The following ZNF76 variants were observed in gnomAD, a reference collection of about 807,000 sequenced individuals.
The protein encoded by ZNF76 is zinc finger protein 76, also known as zinc finger protein 523.
A neutral mutation model predicts 66.9 loss-of-function variants in ZNF76; 66 were observed. The observed-to-expected ratio is 0.99, with a 90% CI of 0.81 to 1.21. The LOEUF (loss-of-function observed/expected upper bound fraction) is 1.21, where lower values mean the gene tolerates loss of function less well. ZNF76 is among the 50% of genes most tolerant of loss of function. The pLI, the probability that ZNF76 is intolerant of heterozygous loss-of-function variation, is 0.00. For missense variants in ZNF76, 729 were observed against 760.3 expected (o/e 0.96, Z 0.48); for synonymous variants, 275 against 296.1 (o/e 0.93, Z 0.73).
At chr6:35,261,434 T>C (rs923081528) in intron 1 of ZNF76, among the ~76,000 whole-genome samples, 2 of 152,210 alleles carry the variant, frequency 1.3e-5, no homozygotes, top group African/African-American at 4.8e-5. Context: ...AAGCTCTGGA[T>C]ATATAAGTTA....
chr6:35,267,175 G>T (rs890490214), intron 1 of ZNF76, among the ~76,000 whole-genome samples: 18 of 152,050 alleles, frequency 1.2e-4, no homozygotes, highest in Non-Finnish European at 2.4e-4. Flanking sequence ...GAGGCTCACT[G>T]CAGCAGTGAC....
intron 1 of ZNF76, among the ~76,000 whole-genome samples, chr6:35,268,861 G>A (rs759148470): frequency 2.0e-5 from 3 of 151,698 alleles, no homozygotes; most frequent in Non-Finnish European, 4.4e-5. Flanking sequence ...GCCCTAACCT[G>A]TTTTGAGTGC....
chr6:35,288,358 C>A, intron 5 of ZNF76: 1 of 354,996 alleles, frequency 2.8e-6, no homozygotes, highest in Non-Finnish European at 5.6e-6. Flanking sequence ...GATTATGAGG[C>A]CCACACAGTA....
intron 4 of ZNF76, 174 bp downstream of exon 4, chr6:35,286,573 A>G: frequency 1.5e-6 from 1 of 654,028 alleles, no homozygotes; most frequent in Non-Finnish European, 2.7e-6. Flanking sequence ...TCCCTGGTGC[A>G]GACCACAGGA....
At chr6:35,266,864 C>G (rs1195907294) in intron 1 of ZNF76, among the ~76,000 whole-genome samples, 2 of 139,404 alleles carry the variant, frequency 1.4e-5, no homozygotes, top group Admixed American at 7.8e-5. Flanking sequence ...GCAGTGGCGC[C>G]ATCTCGGCTC....
chr6:35,292,488 C>A lies in ZNF76; in HGVS notation c.932-66C>A. The A allele has an allele frequency of 6.4e-7, 1 of 1,567,122 alleles. No homozygotes were observed. Among genetic ancestry groups the A allele is most frequent in the South Asian group, 1.1e-5 (1 of 89,060 alleles). ...CCCTTCACCAACCCTGTCCCTCACC[C>A]CTGTCCCCTTAGTTTCCCCCTTGCC... On this transcript the variant is annotated intron_variant, in intron 9 of 13. Transcript: ENST00000373953. The surrounding 1 kb of genome is among the most constrained non-coding windows in gnomAD (Gnocchi z 4.7).
intron 1 of ZNF76, among the ~76,000 whole-genome samples, chr6:35,277,721 G>A (rs1296682330): frequency 6.6e-6 from 1 of 152,332 alleles, no homozygotes; most frequent in East Asian, 1.9e-4. Context: ...CTATATAATA[G>A]TATTGCTGCC....
intron 1 of ZNF76, among the ~76,000 whole-genome samples, chr6:35,260,800 AG>A (rs1370947026): frequency 6.6e-6 from 1 of 152,206 alleles, no homozygotes; most frequent in Non-Finnish European, 1.5e-5. Context: ...GAAATTATGC[AG>A]TTCTCAGTCA....
rs756737131 is a variant in ZNF76, at chr6:35,287,850, G to A, written c.432+5G>A. 1.7e-5 allele frequency: 27 copies of A among 1,579,226 alleles called. No homozygotes were observed. The highest frequency in any genetic ancestry group is 2.2e-5 in the Non-Finnish European group (26 of 1,162,968). On this transcript the variant is annotated splice_donor_5th_base_variant and intron_variant, in intron 5 of 13. Coordinates refer to ENST00000373953, the MANE Select transcript of ZNF76 (RefSeq NM_003427.5). The surrounding 1 kb of genome is among the most constrained non-coding windows in gnomAD (Gnocchi z 4.0). ...CTGGAGCAGTATGCCAGCAAGGTGA[G>A]CACGCACAGCGTGACACGGTCTGTC...
chr6:35,285,610 A>G (rs995518336), intron 2 of ZNF76, among the ~76,000 whole-genome samples: 3 of 152,092 alleles, frequency 2.0e-5, no homozygotes, highest in Non-Finnish European at 4.4e-5. Flanking sequence ...TGGAATTCAA[A>G]CTCTGGAGGC....
chr6:35,259,612 A>AGCGGGGG (rs1784872873), upstream of ZNF76: 1 of 151,654 alleles, frequency 6.6e-6, no homozygotes. Context: ...GCCGCGGCGA[A>AGCGGGGG]GCGGGGGGCG....
chr6:35,266,365 C>G (rs945018136), intron 1 of ZNF76, among the ~76,000 whole-genome samples: 2 of 151,932 alleles, frequency 1.3e-5, no homozygotes, highest in South Asian at 4.2e-4. Flanking sequence ...ATTTGCCAGG[C>G]TGGTCTCAAA....
rs765023943 is a variant in ZNF76 at position 35,290,704 on chromosome 6, G to C, written c.613G>C (p.Ala205Pro). The part of the protein sequence containing the change: ...YRCDFPSCGK[A>P]FATGYGLKSH... Reference sequence around the variant, plus strand: ...ATGTGACTTCCCCAGCTGTGGAAAGGCCTTTGCCACAGGTAACCTGCCTGG... The same window carrying C: ...ATGTGACTTCCCCAGCTGTGGAAAGCCCTTTGCCACAGGTAACCTGCCTGG... Residue 205 changes from alanine (A) to proline (P), a missense_variant, in exon 7 of 14, where the codon GCC (alanine) becomes CCC (proline). Coordinates refer to ENST00000373953, the MANE Select transcript of ZNF76 (RefSeq NM_003427.5). 2 of 1,614,094 alleles carry C rather than the reference G, an allele frequency of 1.2e-6. No individual in the cohort carries two copies. Among genetic ancestry groups the C allele is most frequent in the South Asian group, 1.1e-5 (1 of 91,090 alleles).
Position 35,283,385 on chromosome 6 carries a change from G to A in ZNF76, c.73+2161G>A, listed in dbSNP as rs77099264. On this transcript the variant is annotated intron_variant, in intron 2 of 13. Coordinates refer to ENST00000373953, the MANE Select transcript of ZNF76 (RefSeq NM_003427.5). ...TTCTCCTCTGAAGCTTTTGACTGAGGCATTTTTGTCTCTGTCTGCTGGAAG... is the reference window on the plus strand; with the variant it reads ...TTCTCCTCTGAAGCTTTTGACTGAGACATTTTTGTCTCTGTCTGCTGGAAG... 6.2e-3 allele frequency among the ~76,000 whole-genome samples: 948 copies of A among 152,298 alleles called. 10 individuals carry two copies. The highest frequency in any genetic ancestry group is 0.022 in the African/African-American group (905 of 41,570).
chr6:35,274,068 CA>C (rs1199066694), intron 1 of ZNF76, among the ~76,000 whole-genome samples: 3 of 152,170 alleles, frequency 2.0e-5, no homozygotes, highest in Admixed American at 6.5e-5. Context: ...CATTTTACTG[CA>C]ACTTTTCCAA....
chr6:35,268,248 C>T (rs934395134), intron 1 of ZNF76, among the ~76,000 whole-genome samples: 9 of 152,218 alleles, frequency 5.9e-5, no homozygotes, highest in Admixed American at 5.9e-4. Flanking sequence ...GGAAAACACA[C>T]TCCGTGGCAG....
At chr6:35,275,789 A>C (rs142390654) in intron 1 of ZNF76, among the ~76,000 whole-genome samples, 298 of 152,336 alleles carry the variant, frequency 2.0e-3, no homozygotes, top group African/African-American at 6.8e-3. Context: ...GAGTCTAAGA[A>C]GGGTTATTTT....
Position 35,293,777 on chromosome 6 carries a change from G to A in ZNF76, c.1356G>A (p.Gln452=). 6.2e-7 allele frequency: 1 copy of A among 1,614,080 alleles called. No homozygotes were observed. The highest frequency in any genetic ancestry group is 8.5e-7 in the Non-Finnish European group (1 of 1,179,998). The change falls in exon 12 of 14, where the codon CAG becomes CAA. Residue 452 remains glutamine, a synonymous_variant. Transcript: ENST00000373953. ...QQVSLSPEDL[Q]ALGSAISMVT... is the part of the protein sequence containing the mutation. ...TCAGCCTGTCCCCGGAAGACCTGCAGGCCCTGGGGAGTGCCATCAGTATGG... is the reference window on the plus strand; with the variant it reads ...TCAGCCTGTCCCCGGAAGACCTGCAAGCCCTGGGGAGTGCCATCAGTATGG...
intron 2 of ZNF76, among the ~76,000 whole-genome samples, chr6:35,285,679 A>T (rs1042546180): frequency 2.0e-5 from 3 of 152,206 alleles, no homozygotes; most frequent in African/African-American, 7.2e-5. Context: ...CTGCCTTCAC[A>T]GGGGCTCCTG....
Sources: gnomAD v4.1 joint callset for allele counts (sites outside exome capture counted in the v4.1 genomes callset) on GRCh38, gnomAD v4.1.1 for gene constraint, Gnocchi (gnomAD v3.1) non-coding constraint, MANE v1.5 for transcripts, NCBI Gene and HGNC (gene_info 2026-07-23, HGNC 2026-07-21) for gene names.